The following RANBP2 variants were observed in gnomAD, a reference collection of about 807,000 sequenced individuals.
RANBP2 encodes the protein RAN binding protein 2.
Under a neutral mutation model 303.6 loss-of-function variants are expected in RANBP2, and 57 were observed. The ratio of observed to expected loss-of-function variants is 0.19; its 90% CI spans 0.15 to 0.23. The LOEUF (loss-of-function observed/expected upper bound fraction) is 0.23. RANBP2 is among the 10% of genes least tolerant of loss of function. RANBP2 has a pLI of 1.00. For synonymous variants in RANBP2, 1,167 were observed against 1,301.5 expected (o/e 0.90, Z 2.23); for missense variants, 3,138 against 3,780.8 (o/e 0.83, Z 4.46).
the RANBP2 span, among the ~76,000 whole-genome samples, chr2:109,511,817 G>A: frequency 6.6e-6 from 1 of 152,202 alleles, no homozygotes; most frequent in Non-Finnish European, 1.5e-5. Context: ...TAAGGAATGG[G>A]GGGTGGACAG....
the RANBP2 span, among the ~76,000 whole-genome samples, chr2:109,380,217 CTCT>C: frequency 1.4e-3 from 208 of 152,278 alleles, 2 homozygotes; most frequent in African/African-American, 4.8e-3. Context: ...CCTGATTTCT[CTCT>C]TCTTAAGTCT....
chr2:109,080,243 C>T, the RANBP2 span, among the ~76,000 whole-genome samples: 5 of 151,936 alleles, frequency 3.3e-5, no homozygotes, highest in Admixed American at 6.6e-5. Flanking sequence ...GTTTCCAGGG[C>T]GTGTTATAGC....
chr2:109,438,441 C>G, the RANBP2 span, among the ~76,000 whole-genome samples: 1 of 152,222 alleles, frequency 6.6e-6, no homozygotes, highest in Non-Finnish European at 1.5e-5. Context: ...ACCTGTCAAG[C>G]AGTGGGTAAT....
At chr2:108,756,964 G>T (rs1383412993) in intron 17 of RANBP2, among the ~76,000 whole-genome samples, 1 of 152,226 alleles carries the variant, frequency 6.6e-6, no homozygotes, top group African/African-American at 2.4e-5. Context: ...ACTGTAGATG[G>T]ATGAGTGGGG....
At chr2:108,912,838 G>A in the RANBP2 span, 2 of 1,254,780 alleles carry the variant, frequency 1.6e-6, no homozygotes, top group Non-Finnish European at 2.3e-6. Flanking sequence ...AGAGCTCATG[G>A]ATCTGGATTC....
the RANBP2 span, among the ~76,000 whole-genome samples, chr2:109,368,567 C>T: frequency 6.6e-6 from 1 of 151,594 alleles, no homozygotes; most frequent in African/African-American, 2.4e-5. Flanking sequence ...TTCTAATATT[C>T]ACTTGCTTCT....
the RANBP2 span, among the ~76,000 whole-genome samples, chr2:109,067,090 A>G: frequency 1.3e-5 from 2 of 152,074 alleles, no homozygotes; most frequent in Non-Finnish European, 2.9e-5. Flanking sequence ...AGAAAGAAAA[A>G]AAAAAACAAC....
At chr2:108,923,145 C>T in the RANBP2 span, among the ~76,000 whole-genome samples, 1 of 152,172 alleles carries the variant, frequency 6.6e-6, no homozygotes, top group African/African-American at 2.4e-5. Flanking sequence ...TAGCTGGTGG[C>T]CAACCTGCAC....
the RANBP2 span, among the ~76,000 whole-genome samples, chr2:109,244,002 A>G: frequency 1.3e-5 from 2 of 152,166 alleles, no homozygotes; most frequent in Non-Finnish European, 2.9e-5. Flanking sequence ...TCATAGGTGA[A>G]GTTTTTGCCA....
the RANBP2 span, among the ~76,000 whole-genome samples, chr2:109,054,461 T>C: frequency 8.2e-4 from 124 of 152,080 alleles, no homozygotes; most frequent in African/African-American, 2.8e-3. Flanking sequence ...AATCCCAGCA[T>C]TTTGGGAGGC....
intron 6 of RANBP2, among the ~76,000 whole-genome samples, chr2:108,738,453 A>G (rs1695806393): frequency 6.6e-6 from 1 of 151,924 alleles, no homozygotes; most frequent in South Asian, 2.1e-4. Flanking sequence ...TTGACCTTCC[A>G]GTACCTTGTG....
the RANBP2 span, among the ~76,000 whole-genome samples, chr2:108,843,863 TG>T: frequency 7.8e-5 from 11 of 140,610 alleles, 1 homozygote; most frequent in African/African-American, 1.1e-4. Flanking sequence ...TGTGTGTGTG[TG>T]TGTGTGTGTG....
the RANBP2 span, among the ~76,000 whole-genome samples, chr2:109,596,456 A>C: frequency 1.3e-5 from 2 of 152,028 alleles, no homozygotes; most frequent in Non-Finnish European, 2.9e-5. Flanking sequence ...TCTCTACTAA[A>C]AATACAAAAA....
chr2:108,940,959 CT>C, the RANBP2 span, among the ~76,000 whole-genome samples: 1 of 152,200 alleles, frequency 6.6e-6, no homozygotes, highest in Non-Finnish European at 1.5e-5. Flanking sequence ...TATACACCCC[CT>C]GTGGCTTGAT....
At chr2:109,473,206 T>C in the RANBP2 span, among the ~76,000 whole-genome samples, 1 of 152,318 alleles carries the variant, frequency 6.6e-6, no homozygotes, top group East Asian at 1.9e-4. Flanking sequence ...TGCCTAGACA[T>C]ACGAGCGCCT....
chr2:108,723,384 A>G (rs1271541187), intron 1 of RANBP2, among the ~76,000 whole-genome samples: 2 of 149,428 alleles, frequency 1.3e-5, no homozygotes, highest in Admixed American at 6.7e-5. Context: ...GGTTCACACC[A>G]TTCTCCTGCC....
chr2:109,317,590 C>A, the RANBP2 span, among the ~76,000 whole-genome samples: 1 of 152,146 alleles, frequency 6.6e-6, no homozygotes, highest in East Asian at 1.9e-4. Context: ...AGGTACAGAA[C>A]AGTCAAAGTC....
At chr2:109,389,768 A>G in the RANBP2 span, among the ~76,000 whole-genome samples, 3 of 152,236 alleles carry the variant, frequency 2.0e-5, no homozygotes, top group African/African-American at 7.2e-5. Flanking sequence ...TTACATATGT[A>G]TAATGCGAGT....
At chr2:109,377,972 G>A in the RANBP2 span, among the ~76,000 whole-genome samples, 27 of 152,352 alleles carry the variant, frequency 1.8e-4, no homozygotes, top group East Asian at 9.6e-4. Context: ...TGCACACTCC[G>A]CGTTCTGCAC....
Sources: allele counts gnomAD v4.1 joint callset (sites outside exome capture counted in the v4.1 genomes callset), GRCh38; gene constraint gnomAD v4.1.1; transcripts MANE v1.5; gene names NCBI Gene and HGNC (gene_info 2026-07-23, HGNC 2026-07-21).